The following MAP3K12 variants were observed in gnomAD, a reference collection of about 807,000 sequenced individuals.
The protein encoded by MAP3K12 is mitogen-activated protein kinase kinase kinase 12, also known as MAPK-upstream kinase.
Under a neutral mutation model 87.5 loss-of-function variants are expected in MAP3K12, and 14 were observed. The observed-to-expected ratio is 0.16, with a 90% CI of 0.11 to 0.25. The LOEUF is 0.25. MAP3K12 is among the 10% of genes least tolerant of loss of function. MAP3K12 has a pLI of 1.00. For missense variants in MAP3K12, 802 were observed against 1,140.4 expected, an observed-to-expected ratio of 0.70 and a Z score of 4.27; for synonymous variants, 469 against 452.5, an observed-to-expected ratio of 1.04 and a Z score of -0.46.
intron 1 of MAP3K12, among the ~76,000 whole-genome samples, chr12:53,498,910 G>C (rs989510601): frequency 0.014 from 7 of 502 alleles, no homozygotes; most frequent in Middle Eastern, 0.5. Flanking sequence ...CCAGCCTGCT[G>C]TGTGTGTGTG....
chr12:53,485,605 G>A (rs541231890), intron 4 of MAP3K12, 130 bp from the exon 5 acceptor site: 7 of 1,030,026 alleles, frequency 6.8e-6, no homozygotes, highest in Non-Finnish European at 1.0e-5. Context: ...ACTCAGGCTG[G>A]AGTGCAGTGG....
chr12:53,482,972 C>A lies in MAP3K12; in HGVS notation c.1831G>T (p.Gly611Trp). Residue 611 changes from glycine to tryptophan, a missense_variant, in exon 11 of 14, where the codon GGG becomes TGG. Coordinates refer to ENST00000547488, the MANE Select transcript of MAP3K12 (RefSeq NM_001193511.2). Reference sequence around the variant, plus strand: ...GCTGAGGGTCCCCCTCCTAGGCCCCCTGGGCTTCCTGGTCCTCCAGGTTCA... The same window carrying A: ...GCTGAGGGTCCCCCTCCTAGGCCCCATGGGCTTCCTGGTCCTCCAGGTTCA... ...PHEPGGPGSP[G>W]GLGGGPSAWE... is the part of the protein sequence containing the mutation. 1 of 1,582,866 alleles carries A rather than the reference C, an allele frequency of 6.3e-7. No homozygotes were observed. Among genetic ancestry groups the A allele is most frequent in the Non-Finnish European group, 8.6e-7 (1 of 1,165,954 alleles).
At chr12:53,492,089 A>AG (rs1555212446) in intron 1 of MAP3K12, among the ~76,000 whole-genome samples, 10 of 148,392 alleles carry the variant, frequency 6.7e-5, no homozygotes, top group Admixed American at 5.3e-4. Context: ...AAAAAAAAAA[A>AG]AAGAAGAAGA....
chr12:53,483,574 C>T (rs760425137), intron 9 of MAP3K12, 33 bp downstream of exon 9: 2 of 1,613,996 alleles, frequency 1.2e-6, no homozygotes, highest in South Asian at 1.1e-5. Context: ...GGCACAGCTC[C>T]AGGGCTTGGT....
In MAP3K12 at chr12:53,487,070, C is replaced by T. The variant is rs1156627679; in HGVS notation, c.322G>A (p.Asp108Asn). The change falls in exon 2 of 14, where the codon GAC becomes AAC. Residue 108 changes from aspartate to asparagine, a missense_variant. Coordinates refer to ENST00000547488, the MANE Select transcript of MAP3K12 (RefSeq NM_001193511.2). ...PESRASRVRA[D>N]EVRLQCQSGS... ...CTCTGGCACTGCAGTCGCACCTCGT[C>T]AGCTCGAACTCTGGATGCCCGACTC... The T allele has an allele frequency of 6.2e-7, 1 of 1,614,110 alleles. No individual in the cohort carries two copies. Among genetic ancestry groups the T allele is most frequent in the Non-Finnish European group, 8.5e-7 (1 of 1,180,016 alleles).
chr12:53,499,658 A>G (rs1943637374), upstream of MAP3K12: 1 of 98,606 alleles, frequency 1.0e-5, no homozygotes, highest in African/African-American at 4.0e-5. Context: ...GCTCGGCTTG[A>G]ACTCCCGCTC....
At chr12:53,499,532 C>CT (rs963153401), upstream of MAP3K12, 2 of 152,462 alleles carry the variant, frequency 1.3e-5, no homozygotes, top group African/African-American at 4.8e-5. Context: ...CTCCTCCCCC[C>CT]GCTGCCCTCC....
At position 53,486,531 on chromosome 12, in the gene MAP3K12, C is replaced by T. The variant is rs1239752667; in HGVS notation, c.537G>A (p.Gly179=). Residue 179 remains glycine, a synonymous_variant, in exon 3 of 14, where the codon GGG becomes GGA. Coordinates refer to ENST00000547488, the MANE Select transcript of MAP3K12 (RefSeq NM_001193511.2). This position sits in a 1 kb window ranked among gnomAD's most constrained non-coding sequence, Gnocchi z 4.9. ...GCACCTTCTTCACAGCCACCTCCTC[C>T]CCGTGGAAGCGCCCCAGGAAGACAG... ...QGAVFLGRFH[G]EEVAVKKVRD... 6.2e-7 allele frequency: 1 copy of T among 1,614,078 alleles called. No individual in the cohort carries two copies. Among genetic ancestry groups the T allele is most frequent in the Non-Finnish European group, 8.5e-7 (1 of 1,180,046 alleles).
At chr12:53,491,646 G>A (rs1267844331) in intron 1 of MAP3K12, among the ~76,000 whole-genome samples, 1 of 151,558 alleles carries the variant, frequency 6.6e-6, no homozygotes, top group Non-Finnish European at 1.5e-5. Flanking sequence ...TGTTAGCCAG[G>A]ATAGTCTCGA....
In MAP3K12 at chr12:53,479,671, G is replaced by GTTTTTTTTTTTTTTTGT. The variant is rs879244280; in HGVS notation, c.*1510_*1511insACAAAAAAAAAAAAAAA. 0.04 allele frequency: 8,197 copies of GTTTTTTTTTTTTTTTGT among 205,770 alleles called. 174 individuals carry two copies. Among genetic ancestry groups the GTTTTTTTTTTTTTTTGT allele is most frequent in the Non-Finnish European group, 0.058 (6,291 of 108,184 alleles). 12.7% of individuals were successfully genotyped at this position (205,770 alleles called of 1,614,324 possible). On this transcript the variant is annotated 3_prime_UTR_variant, in exon 14 of 14. Coordinates refer to ENST00000547488, the MANE Select transcript of MAP3K12 (RefSeq NM_001193511.2). ...ATTTAGTTTTATAAGCTTCTCCCTG[G>GTTTTTTTTTTTTTTTGT]TTTTTTTTTTTTGGCTCATGAATTT...
intron 1 of MAP3K12, among the ~76,000 whole-genome samples, chr12:53,492,387 G>A (rs892879023): frequency 6.6e-6 from 1 of 152,084 alleles, no homozygotes; most frequent in Non-Finnish European, 1.5e-5. Flanking sequence ...GAAGGTGCTC[G>A]GTAAGGTGGA....
rs772379784 is a variant in MAP3K12 at position 53,484,290 on chromosome 12, G to C, written c.1215C>G (p.Leu405=). 19 of 1,614,076 alleles carry C rather than the reference G, an allele frequency of 1.2e-5. No individual in the cohort carries two copies. The East Asian group carries it at 4.2e-4, about 36-fold the overall frequency. Residue 405 remains leucine (L), a synonymous_variant, in exon 7 of 14, where the codon CTC becomes CTG. Transcript: ENST00000547488. The stretch of plus-strand genomic sequence containing the variant: ...TAAAGTAAGTCTCCTGGGGTGTGGA[G>C]AGTACATCAGCTGAGGCAATGTCCA... ...LHLDIASADV[L]STPQETYFKS...
intron 1 of MAP3K12, 78 bp from the exon 2 acceptor site, chr12:53,487,506 C>T: frequency 7.1e-7 from 1 of 1,417,366 alleles, no homozygotes; most frequent in Non-Finnish European, 9.5e-7. Flanking sequence ...CCCAGAGGCA[C>T]AGACTGGGGT....
At chr12:53,501,293 G>A, upstream of MAP3K12, 2 of 1,169,144 alleles carry the variant, frequency 1.7e-6, no homozygotes, top group South Asian at 2.9e-5. Flanking sequence ...AGCGTGCCCC[G>A]CGGCGGGCCC....
At position 53,481,122 on chromosome 12, in the gene MAP3K12, TA is replaced by T; in HGVS notation, c.*59del. 1.6e-6 allele frequency: 1 copy of T among 612,050 alleles called. No homozygotes were observed. The allele number at this position is 612,050 out of a possible 1,614,324, so 37.9% of individuals were successfully genotyped here. A position where few individuals can be genotyped will look rare whatever the true frequency, so the allele number is the denominator to read the frequency against. On this transcript the variant is annotated 3_prime_UTR_variant, in exon 14 of 14. Transcript: ENST00000547488. ...ATTATGTGGCGCATATATATATATA[TA>T]TGTATATATATATAATTTATATAAA... is the stretch of plus-strand genomic sequence containing the variant.
At position 53,487,406 on chromosome 12, in the gene MAP3K12, G is replaced by C. The variant is rs761867332; in HGVS notation, c.-15C>G. On this transcript the variant is annotated 5_prime_UTR_variant, in exon 2 of 14. Coordinates refer to ENST00000547488, the MANE Select transcript of MAP3K12 (RefSeq NM_001193511.2). The stretch of plus-strand genomic sequence containing the variant: ...AGGCAAGCCATCGCCTCTGGCCCCT[G>C]GTATGATGGTGAACACTGGGCCCTG... 9.4e-6 allele frequency: 15 copies of C among 1,596,258 alleles called. No individual in the cohort carries two copies. The East Asian group carries it at 1.6e-4, about 17-fold the overall frequency.
At chr12:53,501,288 G>A, upstream of MAP3K12, 1 of 1,067,756 alleles carries the variant, frequency 9.4e-7, no homozygotes, top group Non-Finnish European at 1.4e-6. Flanking sequence ...ATCCCAGCGT[G>A]CCCCGCGGCG....
chr12:53,483,521 G>T lies in MAP3K12; in HGVS notation c.1476-35C>A. 5 of 1,613,912 alleles carry T rather than the reference G, an allele frequency of 3.1e-6. No homozygotes were observed. The South Asian group carries it at 3.3e-5, about 11-fold the overall frequency. On this transcript the variant is annotated intron_variant, in intron 9 of 13. Coordinates refer to ENST00000547488, the MANE Select transcript of MAP3K12 (RefSeq NM_001193511.2). Reference sequence around the variant, plus strand: ...CAGGCACCTTCTCAGCTGGGCAAATGACCAGGAAGGGGCACCCCAGTCTCA... The same window carrying T: ...CAGGCACCTTCTCAGCTGGGCAAATTACCAGGAAGGGGCACCCCAGTCTCA...
At chr12:53,485,998 C>A in intron 4 of MAP3K12, 58 bp downstream of exon 4, 1 of 1,516,870 alleles carries the variant, frequency 6.6e-7, no homozygotes, top group Non-Finnish European at 8.9e-7. Flanking sequence ...GAGAAGGCCA[C>A]ACTGACTTGA....
Sources: gnomAD v4.1 joint callset for allele counts (sites outside exome capture counted in the v4.1 genomes callset) on GRCh38, gnomAD v4.1.1 for gene constraint, Gnocchi (gnomAD v3.1) non-coding constraint, MANE v1.5 for transcripts, NCBI Gene and HGNC (gene_info 2026-07-23, HGNC 2026-07-21) for gene names.